Variants in HDAC4 observed in about 807,000 individuals in gnomAD.
HDAC4 encodes the protein histone deacetylase 4, also known as histone deacetylase A.
Under a neutral mutation model 135.1 loss-of-function variants are expected in HDAC4, and 16 were observed. The ratio of observed to expected loss-of-function variants is 0.12; its 90% CI spans 0.08 to 0.18. The LOEUF is 0.18. HDAC4 is among the 10% of genes least tolerant of loss of function. The probability of loss-of-function intolerance (pLI) is 1.00; values close to 1 mark genes in which losing one functional copy is unlikely to be tolerated. For synonymous variants in HDAC4, 685 were observed against 653.4 expected (o/e 1.05, Z -0.74); for missense variants, 1,143 against 1,511.8 (o/e 0.76, Z 4.05).
At chr2:239,300,912 G>A (rs914756710) in intron 2 of HDAC4, among the ~76,000 whole-genome samples, 2 of 152,238 alleles carry the variant, frequency 1.3e-5, no homozygotes, top group African/African-American at 2.4e-5. Context: ...AGAGAGGAAC[G>A]TCTTCGGGGT....
In HDAC4 at chr2:239,164,029, G is replaced by C. The variant is rs550371046; in HGVS notation, c.491-106C>G. 3.2e-4 allele frequency: 441 copies of C among 1,389,906 alleles called. 3 individuals carry two copies. Among genetic ancestry groups the C allele is most frequent in the South Asian group, 1.9e-3 (163 of 86,030 alleles). 86.1% of individuals were successfully genotyped at this position (1,389,906 alleles called of 1,614,324 possible). A position where few individuals can be genotyped will look rare whatever the true frequency, so the allele number is the denominator to read the frequency against. ...GGAGGGAAGGGCTGGGGACGGCTAT[G>C]CACCTTCAGGACGCTGTGGCCTCCT... is the stretch of plus-strand genomic sequence containing the variant. On this transcript the variant is annotated intron_variant, in intron 5 of 26. Transcript: ENST00000543185.
intron 1 of HDAC4, among the ~76,000 whole-genome samples, chr2:239,367,625 C>T (rs929931811): frequency 1.3e-5 from 2 of 152,038 alleles, no homozygotes; most frequent in East Asian, 1.9e-4. Context: ...AACTGTTTGG[C>T]GAACAAAATT....
intron 2 of HDAC4, among the ~76,000 whole-genome samples, chr2:239,319,860 A>G (rs2053247718): frequency 1.3e-5 from 2 of 152,194 alleles, no homozygotes; most frequent in Admixed American, 1.3e-4. Flanking sequence ...AACTAAAATC[A>G]TATTGTTTAG....
intron 5 of HDAC4, among the ~76,000 whole-genome samples, chr2:239,174,720 A>G (rs2043648952): frequency 6.6e-6 from 1 of 152,256 alleles, no homozygotes. Flanking sequence ...TGGTTAGGAA[A>G]CAAGCCAAAT....
chr2:239,389,443 C>G (rs893456397), intron 1 of HDAC4, among the ~76,000 whole-genome samples: 1 of 152,170 alleles, frequency 6.6e-6, no homozygotes, highest in Non-Finnish European at 1.5e-5. Context: ...CCGGACACAT[C>G]TGAAGGAACA....
intron 1 of HDAC4, among the ~76,000 whole-genome samples, chr2:239,378,902 G>A (rs1188320518): frequency 6.6e-6 from 1 of 152,188 alleles, no homozygotes; most frequent in Non-Finnish European, 1.5e-5. Flanking sequence ...CTCGAAGACT[G>A]CCAAGCTCTG....
At chr2:239,159,484 A>C (rs1436847140) in intron 6 of HDAC4, among the ~76,000 whole-genome samples, 2 of 96,144 alleles carry the variant, frequency 2.1e-5, no homozygotes. Flanking sequence ...CGCACACCCC[A>C]CCCACACCCC....
chr2:239,296,262 G>A (rs1248367089), intron 2 of HDAC4, among the ~76,000 whole-genome samples: 1 of 152,246 alleles, frequency 6.6e-6, no homozygotes, highest in African/African-American at 2.4e-5. Flanking sequence ...CACAGAGGAT[G>A]TGCTTAGCTG....
At position 239,195,535 on chromosome 2, in the gene HDAC4, G is replaced by A. The variant is rs544081351; in HGVS notation, c.95-5458C>T. The stretch of plus-strand genomic sequence containing the variant: ...ACCACAATCGCATTCACGCATTCGT[G>A]CGCCTACGGCTGTGTCAGACGTGAC... On this transcript the variant is annotated intron_variant, in intron 3 of 26. Coordinates refer to ENST00000543185, the MANE Select transcript of HDAC4 (RefSeq NM_001378414.1). 2.0e-5 allele frequency among the ~76,000 whole-genome samples: 3 copies of A among 152,306 alleles called. No homozygotes were observed. In the South Asian group the frequency reaches 6.2e-4, roughly 32 times the overall value.
At chr2:239,157,544 T>C (rs1003899598) in intron 6 of HDAC4, among the ~76,000 whole-genome samples, 2 of 152,188 alleles carry the variant, frequency 1.3e-5, no homozygotes, top group Admixed American at 6.5e-5. Context: ...GACGGGGATG[T>C]GGGCTGCCAC....
At chr2:239,078,412 C>T (rs2034981295) in intron 22 of HDAC4, among the ~76,000 whole-genome samples, 1 of 152,164 alleles carries the variant, frequency 6.6e-6, no homozygotes, top group Non-Finnish European at 1.5e-5. Flanking sequence ...CCGGGGGGCC[C>T]CCGTGGGGGA....
chr2:239,316,637 T>C (rs1434791359), intron 2 of HDAC4, among the ~76,000 whole-genome samples: 1 of 152,114 alleles, frequency 6.6e-6, no homozygotes, highest in Non-Finnish European at 1.5e-5. Flanking sequence ...AGTGTATGGC[T>C]GTCCACAGGA....
rs1237427544 is a variant in HDAC4 at position 239,146,257 on chromosome 2, A to C, written c.734-1543T>G. ...CAAAACCAAAAAAAACAAGCCAAAA[A>C]ACCCAACTGATGACTAGGCAAGAAA... On this transcript the variant is annotated intron_variant, in intron 7 of 26. Transcript: ENST00000543185. The surrounding 1 kb of genome is among the most constrained non-coding windows in gnomAD (Gnocchi z 4.5). Among the ~76,000 whole-genome samples the C allele has an allele frequency of 1.3e-5, 2 of 152,138 alleles. No individual in the cohort carries two copies. The highest frequency in any genetic ancestry group is 4.8e-5 in the African/African-American group (2 of 41,442).
chr2:239,394,959 C>T (rs1363739430), intron 1 of HDAC4, among the ~76,000 whole-genome samples: 4 of 152,220 alleles, frequency 2.6e-5, no homozygotes, highest in Non-Finnish European at 5.9e-5. Flanking sequence ...GAGCTCCTTC[C>T]TGAAATTGCA....
At chr2:239,105,279 TCTC>T (rs1160844869) in intron 15 of HDAC4, among the ~76,000 whole-genome samples, 4 of 152,040 alleles carry the variant, frequency 2.6e-5, no homozygotes, top group Non-Finnish European at 4.4e-5. Context: ...CCCACCCACT[TCTC>T]CTCTCCTTCC....
intron 3 of HDAC4, among the ~76,000 whole-genome samples, chr2:239,196,302 T>C (rs893091321): frequency 1.3e-5 from 2 of 152,160 alleles, no homozygotes; most frequent in African/African-American, 4.8e-5. Context: ...AGAACAGTAA[T>C]GAAACCAGCA....
At position 239,400,883 on chromosome 2, in the gene HDAC4, G is replaced by GCGGGCTCGGGCT. The variant is rs999519884; in HGVS notation, c.-220+83_-220+94dup. On this transcript the variant is annotated intron_variant, in intron 1 of 26. Coordinates refer to ENST00000543185, the MANE Select transcript of HDAC4 (RefSeq NM_001378414.1). The surrounding 1 kb of genome is among the most constrained non-coding windows in gnomAD (Gnocchi z 4.7). ...CGGCGGCGGCGGCGCGGGCGGGTGC[G>GCGGGCTCGGGCT]CGGGCTCGGGCTCGGGCTCGGGCGG... 2 of 146,510 alleles carry GCGGGCTCGGGCT rather than the reference G, an allele frequency of 1.4e-5. No homozygotes were observed. The highest frequency in any genetic ancestry group is 2.5e-5 in the African/African-American group (1 of 40,454). The allele number at this position is 146,510 out of a possible 1,614,324, so 9.1% of individuals were successfully genotyped here. A position where few individuals can be genotyped will look rare whatever the true frequency, so the allele number is the denominator to read the frequency against.
chr2:239,113,428 T>C (rs567074227), intron 13 of HDAC4, among the ~76,000 whole-genome samples: 2 of 152,302 alleles, frequency 1.3e-5, no homozygotes, highest in South Asian at 4.1e-4. Flanking sequence ...AAGTGGTTAA[T>C]AAGCAATCCT....
intron 2 of HDAC4, among the ~76,000 whole-genome samples, chr2:239,256,392 A>ATG (rs2049053125): frequency 6.6e-6 from 1 of 152,226 alleles, no homozygotes; most frequent in Non-Finnish European, 1.5e-5. Context: ...ATTCTGTCGC[A>ATG]GGGGAAAGAG....
Sources: allele counts gnomAD v4.1 joint callset (sites outside exome capture counted in the v4.1 genomes callset), GRCh38; gene constraint gnomAD v4.1.1; non-coding constraint Gnocchi (gnomAD v3.1); transcripts MANE v1.5; gene names NCBI Gene and HGNC (gene_info 2026-07-23, HGNC 2026-07-21).